Variants in ZNF695 observed in about 807,000 individuals in gnomAD.
ZNF695 encodes the protein zinc finger protein SBZF3.
In ZNF695, 11 loss-of-function variants were observed where a neutral mutation model predicts 11.2. The observed-to-expected ratio is 0.98, with a 90% CI of 0.62 to 1.62. The LOEUF (loss-of-function observed/expected upper bound fraction) is 1.62, where lower values mean the gene tolerates loss of function less well. Among genes scored for constraint, ZNF695 ranks in the 40% most tolerant of loss-of-function variants. ZNF695 has a pLI of 0.00. For synonymous variants in ZNF695, 190 were observed against 201.4 expected (o/e 0.94, Z 0.48); for missense variants, 559 against 590.5 (o/e 0.95, Z 0.55).
At chr1:246,993,457 A>G (rs1452944005) in intron 3 of ZNF695, among the ~76,000 whole-genome samples, 1 of 152,104 alleles carries the variant, frequency 6.6e-6, no homozygotes, top group Non-Finnish European at 1.5e-5. Flanking sequence ...TCCAGAGAAG[A>G]CATATCCCAA....
intron 5 of ZNF695, among the ~76,000 whole-genome samples, chr1:246,966,187 G>A (rs1022705747): frequency 6.6e-6 from 1 of 152,094 alleles, no homozygotes; most frequent in Non-Finnish European, 1.5e-5. Context: ...GAGCAAGTGA[G>A]AGAATAAAAG....
At chr1:247,007,482 G>A (rs1215696262) in intron 1 of ZNF695, among the ~76,000 whole-genome samples, 1 of 115,408 alleles carries the variant, frequency 8.7e-6, no homozygotes, top group African/African-American at 3.5e-5. Context: ...GCGACAGGGC[G>A]AGACTCCGTC....
chr1:246,971,067 G>A (rs1373023763), intron 4 of ZNF695, among the ~76,000 whole-genome samples: 7 of 152,296 alleles, frequency 4.6e-5, no homozygotes, highest in African/African-American at 1.7e-4. Flanking sequence ...GATGGGTAGT[G>A]GCCCCGAATG....
At chr1:246,962,847 C>T (rs147462777) in intron 5 of ZNF695, among the ~76,000 whole-genome samples, 1,735 of 152,226 alleles carry the variant, frequency 0.011, 35 homozygotes, top group African/African-American at 0.04. Flanking sequence ...CACCCGCCAC[C>T]ACGCCCGGCT....
chr1:246,948,383 C>T (rs776116605), intron 5 of ZNF695, among the ~76,000 whole-genome samples: 8 of 151,990 alleles, frequency 5.3e-5, no homozygotes, highest in Non-Finnish European at 1.0e-4. Context: ...TGTAGTTGAC[C>T]TTTTCTAAGC....
intron 5 of ZNF695, chr1:246,967,380 G>C (rs1445850231): frequency 4.4e-6 from 2 of 456,428 alleles, no homozygotes; most frequent in Non-Finnish European, 8.8e-6. Context: ...GCCTGGACAA[G>C]GGTGGGAGCA....
intron 5 of ZNF695, among the ~76,000 whole-genome samples, chr1:246,959,332 TATATATATATATATATATAA>T (rs1297424352): frequency 4.8e-5 from 3 of 62,734 alleles, no homozygotes; most frequent in Middle Eastern, 9.6e-3. Flanking sequence ...TATATATATA[TATATATATATATATATATAA>T]AATCTCTTTT....
At chr1:247,006,594 T>C (rs1669548489) in intron 1 of ZNF695, among the ~76,000 whole-genome samples, 1 of 152,206 alleles carries the variant, frequency 6.6e-6, no homozygotes, top group Non-Finnish European at 1.5e-5. Context: ...TACCTGCCAT[T>C]GGGCAACAGA....
At chr1:246,964,583 ATCCCTGGC>A (rs1195489504) in intron 5 of ZNF695, among the ~76,000 whole-genome samples, 1 of 152,250 alleles carries the variant, frequency 6.6e-6, no homozygotes, top group Non-Finnish European at 1.5e-5. Context: ...TTGAAACTTA[ATCCCTGGC>A]TGGGCCCAGT....
chr1:246,994,845 A>T lies in ZNF695; in HGVS notation c.259+4503T>A, dbSNP rs963795239. Reference sequence around the variant, plus strand: ...GAGCAAGACTCCGTCTCAAAAACAAAAACAAAAACAAAAAACAAACAAACA... The same window carrying T: ...GAGCAAGACTCCGTCTCAAAAACAATAACAAAAACAAAAAACAAACAAACA... On this transcript the variant is annotated intron_variant, in intron 3 of 3. Coordinates refer to ENST00000339986, the MANE Select transcript of ZNF695 (RefSeq NM_020394.5). 6.6e-5 allele frequency among the ~76,000 whole-genome samples: 10 copies of T among 152,218 alleles called. 1 individual carries two copies. The highest frequency in any genetic ancestry group is 2.4e-4 in the African/African-American group (10 of 41,546).
chr1:247,005,311 A>T (rs935788211), intron 1 of ZNF695, among the ~76,000 whole-genome samples: 4 of 152,236 alleles, frequency 2.6e-5, no homozygotes, highest in Non-Finnish European at 5.9e-5. Context: ...TCTGTGACAG[A>T]GGCACCAAGA....
chr1:246,961,583 C>T (rs568484894), intron 5 of ZNF695, among the ~76,000 whole-genome samples: 62 of 152,330 alleles, frequency 4.1e-4, no homozygotes, highest in Middle Eastern at 3.4e-3. Flanking sequence ...GGGAATCTTT[C>T]CAGGATGCTT....
chr1:247,004,049 C>T (rs1413909997), intron 1 of ZNF695, among the ~76,000 whole-genome samples: 1 of 152,140 alleles, frequency 6.6e-6, no homozygotes, highest in Non-Finnish European at 1.5e-5. Context: ...CCTGTCTCTA[C>T]TAAAATACAA....
intron 3 of ZNF695, among the ~76,000 whole-genome samples, chr1:246,993,368 C>G (rs923060836): frequency 9.2e-5 from 14 of 152,038 alleles, no homozygotes; most frequent in African/African-American, 3.4e-4. Flanking sequence ...GATTGCAGCA[C>G]TGAACTCCAG....
chr1:246,984,255 G>A (rs1193517501), downstream of ZNF695, among the ~76,000 whole-genome samples: 2 of 123,128 alleles, frequency 1.6e-5, no homozygotes, highest in African/African-American at 3.0e-5. Flanking sequence ...AGAACAGTGA[G>A]AAAGTGTAGC....
rs1431597340 is a variant in ZNF695 at position 246,985,589 on chromosome 1, G to A, written c.*1378C>T. On this transcript the variant is annotated 3_prime_UTR_variant, in exon 4 of 4. Coordinates refer to ENST00000339986, the MANE Select transcript of ZNF695 (RefSeq NM_020394.5). ...GGATACGCATCACTTAATGTACAAC[G>A]GTCCAAAGACATTAAAACAATGTCT... The A allele has an allele frequency of 5.1e-6, 5 of 970,980 alleles. No homozygotes were observed. The highest frequency in any genetic ancestry group is 6.1e-6 in the Non-Finnish European group (5 of 824,492). The allele number at this position is 970,980 out of a possible 1,614,324, so 60.1% of individuals were successfully genotyped here. A position where few individuals can be genotyped will look rare whatever the true frequency, so the allele number is the denominator to read the frequency against.
chr1:246,968,978 A>C (rs1011198912), intron 4 of ZNF695: 1 of 152,236 alleles, frequency 6.6e-6, no homozygotes, highest in Non-Finnish European at 1.5e-5. Flanking sequence ...CTGCCACGAA[A>C]GTCTCTGAAA....
chr1:247,000,504 A>G (rs1448690363), intron 1 of ZNF695, among the ~76,000 whole-genome samples: 1 of 152,212 alleles, frequency 6.6e-6, no homozygotes, highest in Non-Finnish European at 1.5e-5. Context: ...TCAAAAATAA[A>G]TAAATAAACA....
intron 5 of ZNF695, among the ~76,000 whole-genome samples, chr1:246,952,016 T>C (rs1667880039): frequency 1.3e-5 from 2 of 152,212 alleles, no homozygotes; most frequent in South Asian, 2.1e-4. Context: ...TGGTGTGATC[T>C]TGGCTCATGG....
Sources: gnomAD v4.1 joint callset for allele counts (sites outside exome capture counted in the v4.1 genomes callset) on GRCh38, gnomAD v4.1.1 for gene constraint, MANE v1.5 for transcripts, NCBI Gene and HGNC (gene_info 2026-07-23, HGNC 2026-07-21) for gene names.